Variants in IGSF5 observed in about 807,000 individuals in gnomAD.
IGSF5 encodes immunoglobulin superfamily member 5.
IGSF5 carries 41 observed loss-of-function variants against 39.4 expected under a neutral mutation model. The observed-to-expected ratio is 1.04, with a 90% CI of 0.81 to 1.35. The LOEUF is 1.35. Among genes scored for constraint, IGSF5 ranks in the 40% most tolerant of loss-of-function variants. IGSF5 has a pLI of 0.00. For missense variants in IGSF5, 487 were observed against 494.6 expected, an observed-to-expected ratio of 0.98 and a Z score of 0.15; for synonymous variants, 183 against 175.3, an observed-to-expected ratio of 1.04 and a Z score of -0.34.
chr21:39,761,116 T>C (rs1253576175), intron 2 of IGSF5, among the ~76,000 whole-genome samples: 1 of 152,110 alleles, frequency 6.6e-6, no homozygotes, highest in African/African-American at 2.4e-5. Context: ...CCTACAACCA[T>C]CTGACCTTTG....
the IGSF5 span, among the ~76,000 whole-genome samples, chr21:39,712,157 G>A: frequency 6.6e-6 from 1 of 152,164 alleles, no homozygotes; most frequent in Non-Finnish European, 1.5e-5. Context: ...AGAGAATATT[G>A]CATCTTGGAG....
chr21:39,731,496 G>T, the IGSF5 span, among the ~76,000 whole-genome samples: 5 of 152,160 alleles, frequency 3.3e-5, no homozygotes, highest in African/African-American at 4.8e-5. Context: ...TGATTTGAGT[G>T]GGCCTAGTCT....
At chr21:39,713,650 G>C in the IGSF5 span, among the ~76,000 whole-genome samples, 1 of 152,144 alleles carries the variant, frequency 6.6e-6, no homozygotes, top group African/African-American at 2.4e-5. Flanking sequence ...CTTTCATGTC[G>C]CAGGATAAGT....
intron 2 of IGSF5, among the ~76,000 whole-genome samples, chr21:39,754,073 T>G (rs1043990594): frequency 1.3e-5 from 2 of 152,358 alleles, no homozygotes; most frequent in Admixed American, 6.5e-5. Context: ...ATTGTGTTAT[T>G]GTTTTATAGA....
upstream of IGSF5, among the ~76,000 whole-genome samples, chr21:39,742,978 G>A (rs2079954554): frequency 6.6e-6 from 1 of 152,178 alleles, no homozygotes; most frequent in Non-Finnish European, 1.5e-5. Flanking sequence ...CTAGAGTCAG[G>A]TGACAGGGAG....
intron 2 of IGSF5, among the ~76,000 whole-genome samples, chr21:39,764,401 C>T (rs1323901017): frequency 3.3e-5 from 5 of 152,138 alleles, no homozygotes; most frequent in Admixed American, 6.5e-5. Flanking sequence ...AGTGCGGTGG[C>T]GTGATCTCGG....
intron 2 of IGSF5, among the ~76,000 whole-genome samples, chr21:39,759,298 G>A (rs1420844509): frequency 6.6e-6 from 1 of 152,184 alleles, no homozygotes; most frequent in Non-Finnish European, 1.5e-5. Flanking sequence ...TGTGTTTGGG[G>A]ATGAAGATAT....
the IGSF5 span, among the ~76,000 whole-genome samples, chr21:39,719,010 C>G: frequency 6.6e-6 from 1 of 152,116 alleles, no homozygotes; most frequent in African/African-American, 2.4e-5. Context: ...CTATTTATTA[C>G]TGATTCAGTT....
the IGSF5 span, among the ~76,000 whole-genome samples, chr21:39,732,900 C>A: frequency 6.6e-6 from 1 of 151,938 alleles, no homozygotes; most frequent in Non-Finnish European, 1.5e-5. Flanking sequence ...GTGGCACGTG[C>A]CTGTAGTCGC....
At chr21:39,746,141 G>A in intron 1 of IGSF5, 75 bp from the exon 2 acceptor site, 2 of 699,528 alleles carry the variant, frequency 2.9e-6, no homozygotes, top group Non-Finnish European at 5.2e-6. Context: ...GATGAACCCA[G>A]GCACTTAGCC....
chr21:39,755,260 A>T (rs2080023665), intron 2 of IGSF5, among the ~76,000 whole-genome samples: 1 of 152,146 alleles, frequency 6.6e-6, no homozygotes, highest in Admixed American at 6.5e-5. Context: ...CCAGATGACT[A>T]CTTGTGGAGT....
chr21:39,797,165 A>G (rs531917614), intron 8 of IGSF5, among the ~76,000 whole-genome samples: 1 of 152,054 alleles, frequency 6.6e-6, no homozygotes, highest in African/African-American at 2.4e-5. Flanking sequence ...TTATGCTGTC[A>G]CAAGCAAGGT....
At chr21:39,784,871 C>T (rs551278841) in intron 5 of IGSF5, among the ~76,000 whole-genome samples, 75 of 152,124 alleles carry the variant, frequency 4.9e-4, no homozygotes, top group South Asian at 8.3e-4. Context: ...CTCAGTAAGC[C>T]GACGGATTAA....
chr21:39,765,555 G>C lies in IGSF5; in HGVS notation c.121G>C (p.Val41Leu). 6.2e-7 allele frequency: 1 copy of C among 1,613,772 alleles called. No individual in the cohort carries two copies. Reference sequence around the variant, plus strand: ...TCCAGGTTCTGGGTCTGGTAATGAAGTCATAGAAGGCCCCCAAAATGCAAG... The same window carrying C: ...TCCAGGTTCTGGGTCTGGTAATGAACTCATAGAAGGCCCCCAAAATGCAAG... ...VVDGSGSGNEVIEGPQNARVL... is the reference protein window; with the variant it reads ...VVDGSGSGNELIEGPQNARVL... The change falls in exon 3 of 9, where the codon GTC (valine) becomes CTC (leucine). Residue 41 changes from valine to leucine, a missense_variant. By Grantham distance (32) the Val-to-Leu change is conservative. Coordinates refer to ENST00000380588, the MANE Select transcript of IGSF5 (RefSeq NM_001080444.2).
At chr21:39,753,855 C>T (rs2080017282) in intron 2 of IGSF5, among the ~76,000 whole-genome samples, 3 of 151,704 alleles carry the variant, frequency 2.0e-5, no homozygotes, top group Admixed American at 2.0e-4. Flanking sequence ...AACCTTTCAC[C>T]TTGAGTTTAT....
chr21:39,745,605 T>C (rs769137265), intron 1 of IGSF5, 79 bp downstream of exon 1: 87 of 704,114 alleles, frequency 1.2e-4, no homozygotes, highest in Non-Finnish European at 1.9e-4. Context: ...TGCTGGGAGG[T>C]TGGGACGACA....
chr21:39,781,569 T>C (rs1311093649), intron 5 of IGSF5, among the ~76,000 whole-genome samples: 5 of 152,116 alleles, frequency 3.3e-5, no homozygotes, highest in African/African-American at 7.2e-5. Context: ...TCCAGCAAGG[T>C]TGTACAATTT....
chr21:39,775,140 G>GA (rs55923727), intron 4 of IGSF5, among the ~76,000 whole-genome samples: 27 of 150,296 alleles, frequency 1.8e-4, no homozygotes, highest in Non-Finnish European at 2.5e-4. Flanking sequence ...CTACTGAACT[G>GA]AAAAAAAAAA....
At chr21:39,748,758 T>C (rs1347191928) in intron 2 of IGSF5, among the ~76,000 whole-genome samples, 1 of 152,156 alleles carries the variant, frequency 6.6e-6, no homozygotes, top group African/African-American at 2.4e-5. Flanking sequence ...TGGAAAGGAA[T>C]GATTTTCACA....
Sources: gnomAD v4.1 joint callset for allele counts (sites outside exome capture counted in the v4.1 genomes callset) on GRCh38, gnomAD v4.1.1 for gene constraint, MANE v1.5 for transcripts, NCBI Gene and HGNC (gene_info 2026-07-23, HGNC 2026-07-21) for gene names.